WDR19: variants seen among roughly 807,000 people sequenced by gnomAD.
The protein encoded by WDR19 is WD repeat domain 19.
WDR19 carries 121 observed loss-of-function variants against 180.0 expected under a neutral mutation model. The observed-to-expected ratio is 0.67, with a 90% CI of 0.58 to 0.78. WDR19 has a LOEUF of 0.78. WDR19 is among the 30% of genes least tolerant of loss of function. The probability of loss-of-function intolerance (pLI) is 0.00; values close to 1 mark genes in which losing one functional copy is unlikely to be tolerated. For missense variants in WDR19, 1,450 were observed against 1,640.7 expected (o/e 0.88, Z 2.01); for synonymous variants, 497 against 540.7 (o/e 0.92, Z 1.12).
At position 39,253,908 on chromosome 4, in the gene WDR19, T is replaced by G; in HGVS notation, c.2879T>G (p.Phe960Cys). The G allele has an allele frequency of 6.3e-7, 1 of 1,595,674 alleles. No individual in the cohort carries two copies. Among genetic ancestry groups the G allele is most frequent in the Non-Finnish European group, 8.5e-7 (1 of 1,170,988 alleles). ...CTAATTAAAGTACTTTGCTTTAGGTTTTTTCTACAGCTTGGTGACTATGGG... is the reference window on the plus strand; with the variant it reads ...CTAATTAAAGTACTTTGCTTTAGGTGTTTTCTACAGCTTGGTGACTATGGG... ...SLDGAKMVAR[F>C]FLQLGDYGSA... The change falls in exon 26 of 37, where the codon TTT (phenylalanine) becomes TGT (cysteine). Residue 960 changes from phenylalanine (F) to cysteine (C), a missense_variant and splice_region_variant. Phe to Cys is a radical substitution (Grantham distance 205). Transcript: ENST00000399820.
At chr4:39,269,182 G>A (rs1735100677) in intron 30 of WDR19, among the ~76,000 whole-genome samples, 1 of 152,186 alleles carries the variant, frequency 6.6e-6, no homozygotes, top group Non-Finnish European at 1.5e-5. Flanking sequence ...ATCCTGAAGG[G>A]CACAAGTCCT....
At position 39,218,103 on chromosome 4, in the gene WDR19, GAT is replaced by G; in HGVS notation, c.1478_1479del (p.Thr494TrpfsTer9). 1 of 1,609,710 alleles carries G rather than the reference GAT, an allele frequency of 6.2e-7. No individual in the cohort carries two copies. Among genetic ancestry groups the G allele is most frequent in the Non-Finnish European group, 8.5e-7 (1 of 1,177,976 alleles). ...LTSDFLIYGT[D>X]TGVVQYFYIE... ...TAGTGATTTCCTCATCTATGGTACA[GAT>G]GTATGTATTGCCTTCTTTTTTAGAG... On this transcript the variant is annotated frameshift_variant and splice_region_variant, in exon 14 of 37. Transcript: ENST00000399820. LOFTEE classifies it high-confidence loss of function.
At chr4:39,211,703 C>G (rs1402901189) in intron 9 of WDR19, among the ~76,000 whole-genome samples, 1 of 152,162 alleles carries the variant, frequency 6.6e-6, no homozygotes, top group Non-Finnish European at 1.5e-5. Flanking sequence ...AAGTATACCT[C>G]TAACAAAACC....
At chr4:39,243,588 A>G (rs1031551008) in intron 21 of WDR19, among the ~76,000 whole-genome samples, 3 of 152,182 alleles carry the variant, frequency 2.0e-5, no homozygotes, top group African/African-American at 7.2e-5. Flanking sequence ...CACTAGCCAC[A>G]TGTGTCTACT....
At chr4:39,190,305 G>C (rs542924578) in intron 4 of WDR19, among the ~76,000 whole-genome samples, 1 of 152,182 alleles carries the variant, frequency 6.6e-6, no homozygotes, top group Non-Finnish European at 1.5e-5. Flanking sequence ...CCATGGATTG[G>C]TACTCCCACC....
chr4:39,213,866 CTCTA>C (rs1728783619), intron 9 of WDR19, among the ~76,000 whole-genome samples: 1 of 152,142 alleles, frequency 6.6e-6, no homozygotes, highest in Non-Finnish European at 1.5e-5. Flanking sequence ...CATGGAATCT[CTCTA>C]TCTCTCTATA....
rs1236138023 is a variant in WDR19 at position 39,199,404 on chromosome 4, A to G, written c.407-74A>G. 8.5e-6 allele frequency: 9 copies of G among 1,054,606 alleles called. No homozygotes were observed. In the East Asian group the frequency reaches 1.2e-4, roughly 14 times the overall value. 65.3% of individuals were successfully genotyped at this position (1,054,606 alleles called of 1,614,324 possible). On this transcript the variant is annotated intron_variant, in intron 5 of 36. Coordinates refer to ENST00000399820, the MANE Select transcript of WDR19 (RefSeq NM_025132.4). Reference sequence around the variant, plus strand: ...ATTCTTGTCTGTTTAATTTCTTGCTATATTCAGATTGGCATCACAGATTTT... The same window carrying G: ...ATTCTTGTCTGTTTAATTTCTTGCTGTATTCAGATTGGCATCACAGATTTT...
At chr4:39,241,027 G>A (rs570743711) in intron 21 of WDR19, among the ~76,000 whole-genome samples, 12 of 151,336 alleles carry the variant, frequency 7.9e-5, no homozygotes, top group South Asian at 2.1e-4. Flanking sequence ...TCATTCTGCC[G>A]TTTCTTTCTC....
At chr4:39,209,915 C>A (rs1447901062) in intron 9 of WDR19, among the ~76,000 whole-genome samples, 1 of 152,076 alleles carries the variant, frequency 6.6e-6, no homozygotes, top group African/African-American at 2.4e-5. Flanking sequence ...CAAAATTTGA[C>A]AACCTAGAAG....
chr4:39,261,639 G>A (rs1734304365), intron 28 of WDR19, among the ~76,000 whole-genome samples: 1 of 152,206 alleles, frequency 6.6e-6, no homozygotes, highest in Non-Finnish European at 1.5e-5. Context: ...TGGAGATGGG[G>A]TCTGTTAAGA....
chr4:39,184,136 G>A (rs1725264236), intron 1 of WDR19, among the ~76,000 whole-genome samples: 2 of 152,170 alleles, frequency 1.3e-5, no homozygotes, highest in African/African-American at 2.4e-5. Context: ...ACAGGGTGCG[G>A]TGGCTCACGC....
At chr4:39,226,393 G>A (rs1251211441) in intron 15 of WDR19, among the ~76,000 whole-genome samples, 4 of 152,178 alleles carry the variant, frequency 2.6e-5, no homozygotes, top group Non-Finnish European at 5.9e-5. Flanking sequence ...ACTTTGTAGG[G>A]TTGTTAAATG....
chr4:39,231,755 C>A, intron 17 of WDR19, 42 bp from the exon 18 acceptor site: 4 of 1,499,160 alleles, frequency 2.7e-6, no homozygotes. Context: ...TAACATGTGG[C>A]AAGTGGAACA....
chr4:39,240,685 C>T lies in WDR19; in HGVS notation c.2421+351C>T, dbSNP rs574542376. Among the ~76,000 whole-genome samples, 10 of 152,208 alleles carry T rather than the reference C, an allele frequency of 6.6e-5. No individual in the cohort carries two copies. In the South Asian group the frequency reaches 2.1e-3, roughly 32 times the overall value. ...AGTTTCAGTAGGCTGGACGCGGTGG[C>T]TCACACCTGTAATCCTAGCACTTTG... is the stretch of plus-strand genomic sequence containing the variant. On this transcript the variant is annotated intron_variant, in intron 21 of 36. Coordinates refer to ENST00000399820, the MANE Select transcript of WDR19 (RefSeq NM_025132.4).
chr4:39,211,484 A>G, intron 9 of WDR19, among the ~76,000 whole-genome samples: 1 of 152,224 alleles, frequency 6.6e-6, no homozygotes, highest in East Asian at 1.9e-4. Context: ...TCCTGGAACT[A>G]AAACTAATAA....
rs1438045523 is a variant in WDR19 at position 39,245,381 on chromosome 4, T to A, written c.2658T>A (p.Gly886=). 1 of 1,613,494 alleles carries A rather than the reference T, an allele frequency of 6.2e-7. No homozygotes were observed. The highest frequency in any genetic ancestry group is 1.1e-5 in the South Asian group (1 of 90,856). The change falls in exon 24 of 37, where the codon GGT becomes GGA. Residue 886 remains glycine, a synonymous_variant. Coordinates refer to ENST00000399820, the MANE Select transcript of WDR19 (RefSeq NM_025132.4). ...YIRSKNWAKV[G]DLLPHVSSPK... is the part of the protein sequence containing the mutation. ...CCTACCTTTCCAGGGCAAAAGTTGG[T>A]GATCTTCTGCCCCACGTTTCTTCTC...
At chr4:39,257,451 C>A in intron 27 of WDR19, 35 bp from the exon 28 acceptor site, 1 of 1,548,132 alleles carries the variant, frequency 6.5e-7, no homozygotes, top group Non-Finnish European at 8.7e-7. Context: ...TGAAAACATT[C>A]TGAAAATTTT....
At position 39,255,895 on chromosome 4, in the gene WDR19, T is replaced by G. The variant is rs778689889; in HGVS notation, c.3049T>G (p.Phe1017Val). 1.2e-5 allele frequency: 19 copies of G among 1,609,110 alleles called. No homozygotes were observed. The highest frequency in any genetic ancestry group is 1.5e-5 in the Non-Finnish European group (18 of 1,177,696). Residue 1017 changes from phenylalanine (F) to valine (V), a missense_variant, in exon 27 of 37, where the codon TTT becomes GTT. Coordinates refer to ENST00000399820, the MANE Select transcript of WDR19 (RefSeq NM_025132.4). Reference protein sequence around the residue: ...NEDYQSIALYFEGEKRYLQAG... With the variant: ...NEDYQSIALYVEGEKRYLQAG... ...AGACTATCAAAGCATTGCCTTATAC[T>G]TTGAAGGAGAAAAGAGATATCTTCA...
intron 30 of WDR19, 63 bp from the exon 31 acceptor site, chr4:39,269,913 G>A (rs928823513): frequency 2.5e-6 from 4 of 1,578,160 alleles, no homozygotes; most frequent in Non-Finnish European, 2.6e-6. Context: ...TAAGATGGGG[G>A]TCCATAGAAT....
Sources: gnomAD v4.1 joint callset for allele counts (sites outside exome capture counted in the v4.1 genomes callset) on GRCh38, gnomAD v4.1.1 for gene constraint, MANE v1.5 for transcripts, NCBI Gene and HGNC (gene_info 2026-07-23, HGNC 2026-07-21) for gene names.